COL4A5: variants seen among roughly 807,000 people sequenced by gnomAD.
COL4A5 encodes the protein collagen alpha-5(IV) chain.
In COL4A5, 26 loss-of-function variants were observed where a neutral mutation model predicts 130.2. That is an observed-to-expected ratio of 0.20 (90% CI 0.15 to 0.28). The LOEUF is 0.28. Ranked by LOEUF, COL4A5 falls within the 10% of genes least tolerant of loss-of-function variation. COL4A5 has a pLI of 1.00. For missense variants in COL4A5, 1,131 were observed against 1,344.3 expected, an observed-to-expected ratio of 0.84 and a Z score of 2.48; for synonymous variants, 496 against 439.6, an observed-to-expected ratio of 1.13 and a Z score of -1.60.
At chrX:108,507,890 A>G (rs772256485) in intron 1 of COL4A5, among the ~76,000 whole-genome samples, 2 of 111,748 alleles carry the variant, frequency 1.8e-5, no homozygotes, top group South Asian at 7.5e-4. Context: ...ACATGCCTCA[A>G]AATAATAAGA....
chrX:108,575,879 T>G, intron 9 of COL4A5, 31 bp from the exon 10 acceptor site: 3 of 1,041,294 alleles, frequency 2.9e-6, no homozygotes, highest in Non-Finnish European at 4.0e-6. Context: ...TTTCTTTTTT[T>G]TCATCATTTT....
At chrX:108,669,616 G>T (rs1479218925) in intron 41 of COL4A5, among the ~76,000 whole-genome samples, 1 of 112,118 alleles carries the variant, frequency 8.9e-6, no homozygotes, top group Non-Finnish European at 1.9e-5. Context: ...GTAAAGAACT[G>T]AAGCAAGTAT....
chrX:108,477,385 T>C (rs1456662002), intron 1 of COL4A5, among the ~76,000 whole-genome samples: 1 of 111,782 alleles, frequency 8.9e-6, no homozygotes, highest in Non-Finnish European at 1.9e-5. Flanking sequence ...CCAACCCAAA[T>C]ACTATTACAT....
chrX:108,568,908 G>T, intron 6 of COL4A5, 87 bp downstream of exon 6: 1 of 832,781 alleles, frequency 1.2e-6, no homozygotes, highest in Non-Finnish European at 1.8e-6. Context: ...GAATGTAGAA[G>T]AAGGGATATA....
chrX:108,684,561 C>G (rs951846754), intron 47 of COL4A5, among the ~76,000 whole-genome samples: 1 of 112,079 alleles, frequency 8.9e-6, no homozygotes, highest in Admixed American at 9.4e-5. Context: ...AGGAAGAAGT[C>G]GAATCCTTGA....
At chrX:108,645,026 GATA>G (rs1251640912) in intron 36 of COL4A5, among the ~76,000 whole-genome samples, 2 of 109,902 alleles carry the variant, frequency 1.8e-5, no homozygotes. Context: ...TGAACTGAAC[GATA>G]ATAATGATAT....
At chrX:108,629,260 A>T (rs2067208220) in intron 36 of COL4A5, among the ~76,000 whole-genome samples, 1 of 111,518 alleles carries the variant, frequency 9.0e-6, no homozygotes, top group Non-Finnish European at 1.9e-5. Flanking sequence ...AGGGGCTTTT[A>T]CTCCTGAGTG....
chrX:108,507,291 A>G (rs188994073), intron 1 of COL4A5, among the ~76,000 whole-genome samples: 34 of 109,783 alleles, frequency 3.1e-4, no homozygotes, highest in Admixed American at 3.9e-4. Context: ...CTTCAGGCCA[A>G]TGTCCCTGAA....
intron 1 of COL4A5, among the ~76,000 whole-genome samples, chrX:108,455,548 C>T (rs939774264): frequency 8.9e-6 from 1 of 112,125 alleles, no homozygotes; most frequent in South Asian, 3.7e-4. Context: ...TAGAACGTTT[C>T]CATTACCTTG....
intron 36 of COL4A5, among the ~76,000 whole-genome samples, chrX:108,631,463 T>C (rs1231026153): frequency 9.0e-6 from 1 of 110,968 alleles, no homozygotes; most frequent in Non-Finnish European, 1.9e-5. Flanking sequence ...GCTTGTCTGT[T>C]ATTGGTGTAT....
chrX:108,585,635 T>A (rs1156953135), intron 18 of COL4A5, among the ~76,000 whole-genome samples: 1 of 111,480 alleles, frequency 9.0e-6, no homozygotes, highest in Non-Finnish European at 1.9e-5. Context: ...GGTGTTGATT[T>A]GTACATCAGA....
chrX:108,459,585 A>G (rs766952385), intron 1 of COL4A5, among the ~76,000 whole-genome samples: 1 of 112,519 alleles, frequency 8.9e-6, no homozygotes, highest in Non-Finnish European at 1.9e-5. Flanking sequence ...TTCTAAAACT[A>G]TATATTGTAA....
intron 5 of COL4A5, 34 bp from the exon 6 acceptor site, chrX:108,568,725 A>G (rs1386159614): frequency 6.7e-6 from 8 of 1,201,616 alleles, no homozygotes; most frequent in Non-Finnish European, 9.0e-6. Context: ...GTAATCTAAG[A>G]CATATTATAC....
In COL4A5 at chrX:108,606,774, T is replaced by C. The variant is rs1415670653; in HGVS notation, c.2277T>C (p.Pro759=). 8.3e-7 allele frequency: 1 copy of C among 1,211,662 alleles called. No homozygotes were observed. The highest frequency in any genetic ancestry group is 1.1e-6 in the Non-Finnish European group (1 of 895,306). The change falls in exon 29 of 53, where the codon CCT becomes CCC. Residue 759 remains proline (P), a synonymous_variant. Coordinates refer to ENST00000328300, the MANE Select transcript of COL4A5 (RefSeq NM_033380.3). ...CAGGATTTGCATTACCTGGGCCACC[T>C]GGGCCACCAGGACTTCCAGGTTTCA... ...GEPGFALPGP[P]GPPGLPGFKG...
At chrX:108,526,957 T>C (rs1231931594) in intron 1 of COL4A5, among the ~76,000 whole-genome samples, 2 of 107,358 alleles carry the variant, frequency 1.9e-5, no homozygotes, top group South Asian at 4.2e-4. Flanking sequence ...TTTGTAGAGA[T>C]AGGGATCTCA....
intron 36 of COL4A5, among the ~76,000 whole-genome samples, chrX:108,648,654 T>C (rs73528400): frequency 0.092 from 10,298 of 111,442 alleles, 1,091 homozygotes; most frequent in African/African-American, 0.31. Context: ...ATCATTTCTA[T>C]AGATGCAGAA....
intron 1 of COL4A5, among the ~76,000 whole-genome samples, chrX:108,502,938 A>G (rs1375018216): frequency 8.9e-6 from 1 of 112,169 alleles, no homozygotes; most frequent in Non-Finnish European, 1.9e-5. Context: ...TTTTTTAAAT[A>G]TCTCTTAAAT....
At chrX:108,483,637 A>G (rs1291688135) in intron 1 of COL4A5, among the ~76,000 whole-genome samples, 3 of 111,922 alleles carry the variant, frequency 2.7e-5, no homozygotes, top group Non-Finnish European at 5.6e-5. Context: ...ATGTCTACCT[A>G]GGAGTGGAAT....
chrX:108,631,995 A>G (rs191788289), intron 36 of COL4A5, among the ~76,000 whole-genome samples: 2 of 111,408 alleles, frequency 1.8e-5, no homozygotes, highest in Non-Finnish European at 3.8e-5. Context: ...AACTGAAGAA[A>G]ATAGAGACAC....
Sources: gnomAD v4.1 joint callset for allele counts (sites outside exome capture counted in the v4.1 genomes callset) on GRCh38, gnomAD v4.1.1 for gene constraint, MANE v1.5 for transcripts, NCBI Gene and HGNC (gene_info 2026-07-23, HGNC 2026-07-21) for gene names.